NFIC: variants seen among roughly 807,000 people sequenced by gnomAD.
The protein encoded by NFIC is nuclear factor 1 C-type.
NFIC carries 12 observed loss-of-function variants against 54.4 expected under a neutral mutation model. The ratio of observed to expected loss-of-function variants is 0.22; its 90% CI spans 0.14 to 0.36. NFIC has a LOEUF of 0.36. Ranked by LOEUF, NFIC falls within the 10% of genes least tolerant of loss-of-function variation. The pLI, the probability that NFIC is intolerant of heterozygous loss-of-function variation, is 1.00. For missense variants in NFIC, 575 were observed against 718.2 expected (o/e 0.80, Z 2.28); for synonymous variants, 322 against 319.2 (o/e 1.01, Z -0.09).
chr19:3,455,542 C>T (rs2082539341), intron 9 of NFIC, among the ~76,000 whole-genome samples: 1 of 149,108 alleles, frequency 6.7e-6, no homozygotes, highest in Non-Finnish European at 1.5e-5. Context: ...CCACTCAGGG[C>T]TCAGTGGGAT....
chr19:3,378,264 A>AG, intron 1 of NFIC, among the ~76,000 whole-genome samples: 1 of 150,004 alleles, frequency 6.7e-6, no homozygotes. Flanking sequence ...TCTGTCTCAA[A>AG]AAAAAAAAAA....
At chr19:3,442,826 C>T (rs1433849303) in intron 6 of NFIC, among the ~76,000 whole-genome samples, 2 of 152,228 alleles carry the variant, frequency 1.3e-5, no homozygotes, top group African/African-American at 4.8e-5. Context: ...CAGGCCTCAG[C>T]CTCCACATCT....
At chr19:3,391,614 T>A (rs184119529) in intron 2 of NFIC, among the ~76,000 whole-genome samples, 4,148 of 152,074 alleles carry the variant, frequency 0.027, 193 homozygotes, top group African/African-American at 0.095. Context: ...CTGGCCAATA[T>A]GGCAAAACCC....
chr19:3,449,188 AG>A, intron 7 of NFIC, 49 bp downstream of exon 7: 1 of 1,585,356 alleles, frequency 6.3e-7, no homozygotes, highest in Non-Finnish European at 8.6e-7. Flanking sequence ...CCCTCCTATC[AG>A]GCCTCTCACA....
rs917589953 is a variant in NFIC at position 3,463,809 on chromosome 19, C to G, written c.*1040C>G. On this transcript the variant is annotated 3_prime_UTR_variant, in exon 11 of 11. Transcript: ENST00000443272. ...CTGGAGCGCCCCCGTCAGCCCCTGG[C>G]GGTGGGAGGTGAGAGCGAGTGGTTT... The G allele has an allele frequency of 1.0e-6, 1 of 985,104 alleles. No individual in the cohort carries two copies. Among genetic ancestry groups the G allele is most frequent in the Admixed American group, 6.2e-5 (1 of 16,260 alleles). 61.0% of individuals were successfully genotyped at this position (985,104 alleles called of 1,614,324 possible). A position where few individuals can be genotyped will look rare whatever the true frequency, so the allele number is the denominator to read the frequency against.
intron 2 of NFIC, among the ~76,000 whole-genome samples, chr19:3,396,638 G>C (rs542496575): frequency 6.6e-6 from 1 of 152,236 alleles, no homozygotes; most frequent in South Asian, 2.1e-4. Context: ...TCGTAGCCCA[G>C]AGCTTGCAGA....
chr19:3,394,986 G>A (rs1330921323), intron 2 of NFIC, among the ~76,000 whole-genome samples: 2 of 152,070 alleles, frequency 1.3e-5, no homozygotes, highest in Admixed American at 6.6e-5. Flanking sequence ...CAGAGAATTC[G>A]GAAGCAGATC....
Position 3,459,013 on chromosome 19 carries a change from C to T in NFIC, c.1509+2378C>T, listed in dbSNP as rs375912190. On this transcript the variant is annotated intron_variant, in intron 10 of 10. Transcript: ENST00000443272. This position sits in a 1 kb window ranked among gnomAD's most constrained non-coding sequence, Gnocchi z 4.2. ...GGCGCCGCCACCTCCCTGCAGACCC[C>T]GGAGAGAGGGAGGGAAGAAGCAGTG... 3.9e-4 allele frequency among the ~76,000 whole-genome samples: 59 copies of T among 152,146 alleles called. No individual in the cohort carries two copies. Among genetic ancestry groups the T allele is most frequent in the African/African-American group, 1.2e-3 (50 of 41,508 alleles).
Position 3,453,634 on chromosome 19 carries a change from C to A in NFIC, c.1270-129C>A. The A allele has an allele frequency of 7.7e-7, 1 of 1,297,258 alleles. No individual in the cohort carries two copies. The highest frequency in any genetic ancestry group is 1.0e-6 in the Non-Finnish European group (1 of 972,408). 80.4% of individuals were successfully genotyped at this position (1,297,258 alleles called of 1,614,324 possible). ...AGACCCACCAAACCCGCCATGGTCA[C>A]ACCCGCGCCCTGGCCCCCCAGCCTG... On this transcript the variant is annotated intron_variant, in intron 8 of 10. Transcript: ENST00000443272. This position sits in a 1 kb window ranked among gnomAD's most constrained non-coding sequence, Gnocchi z 6.7.
At chr19:3,403,691 C>T (rs961955752) in intron 2 of NFIC, among the ~76,000 whole-genome samples, 1 of 152,232 alleles carries the variant, frequency 6.6e-6, no homozygotes, top group Non-Finnish European at 1.5e-5. Flanking sequence ...CCGCGCCTTC[C>T]TCCTGCCTCC....
At chr19:3,383,057 C>T (rs902587593) in intron 2 of NFIC, among the ~76,000 whole-genome samples, 1 of 152,040 alleles carries the variant, frequency 6.6e-6, no homozygotes, top group Non-Finnish European at 1.5e-5. Flanking sequence ...TGAGAATGTC[C>T]TAGATGGTCT....
chr19:3,368,883 TTCTC>T (rs924754401), intron 1 of NFIC, among the ~76,000 whole-genome samples: 8 of 149,934 alleles, frequency 5.3e-5, no homozygotes, highest in Admixed American at 2.0e-4. Flanking sequence ...TTGTCTGTCT[TTCTC>T]TCTTTCTCTC....
At chr19:3,450,619 C>T (rs1599716106) in intron 7 of NFIC, among the ~76,000 whole-genome samples, 2 of 152,166 alleles carry the variant, frequency 1.3e-5, no homozygotes, top group African/African-American at 4.8e-5. Context: ...TGTGCCATTG[C>T]ACTCCAGCCT....
chr19:3,416,070 A>G (rs1242321635), intron 2 of NFIC, among the ~76,000 whole-genome samples: 1 of 151,704 alleles, frequency 6.6e-6, no homozygotes, highest in Non-Finnish European at 1.5e-5. Flanking sequence ...AAAGAAGGCA[A>G]GAGAATCACT....
chr19:3,370,152 C>T lies in NFIC; in HGVS notation c.30+3486C>T, dbSNP rs145920575. 3.9e-5 allele frequency among the ~76,000 whole-genome samples: 6 copies of T among 152,270 alleles called. No homozygotes were observed. The highest frequency in any genetic ancestry group is 7.2e-5 in the African/African-American group (3 of 41,554). On this transcript the variant is annotated intron_variant, in intron 1 of 10. Transcript: ENST00000443272. The surrounding 1 kb of genome is among the most constrained non-coding windows in gnomAD (Gnocchi z 5.2). Reference sequence around the variant, plus strand: ...CAGGGGGCCTGCAGCCCCTCAGTGCCGGGAGAGGGGCTAAGAGTCAGAGAG... The same window carrying T: ...CAGGGGGCCTGCAGCCCCTCAGTGCTGGGAGAGGGGCTAAGAGTCAGAGAG...
chr19:3,414,792 G>A (rs1017073565), intron 2 of NFIC, among the ~76,000 whole-genome samples: 1 of 151,784 alleles, frequency 6.6e-6, no homozygotes. Context: ...GTGATGCTGG[G>A]GATCTAAAGT....
At chr19:3,384,876 T>TC (rs936991439) in intron 2 of NFIC, among the ~76,000 whole-genome samples, 1 of 152,062 alleles carries the variant, frequency 6.6e-6, no homozygotes, top group African/African-American at 2.4e-5. Flanking sequence ...GAGGTTCTCA[T>TC]CGTCACACAG....
At chr19:3,455,815 C>T (rs2082545428) in intron 9 of NFIC, among the ~76,000 whole-genome samples, 1 of 152,088 alleles carries the variant, frequency 6.6e-6, no homozygotes, top group African/African-American at 2.4e-5. Flanking sequence ...GCATACAGTA[C>T]ACACTTAATA....
intron 6 of NFIC, among the ~76,000 whole-genome samples, chr19:3,436,516 C>T (rs921984664): frequency 1.1e-4 from 17 of 149,896 alleles, no homozygotes; most frequent in African/African-American, 3.9e-4. Context: ...TGCTCTGTCA[C>T]CCAGGCTGGA....
Sources: allele counts gnomAD v4.1 joint callset (sites outside exome capture counted in the v4.1 genomes callset), GRCh38; gene constraint gnomAD v4.1.1; non-coding constraint Gnocchi (gnomAD v3.1); transcripts MANE v1.5; gene names NCBI Gene and HGNC (gene_info 2026-07-23, HGNC 2026-07-21).